RRAGD: variants seen among roughly 807,000 people sequenced by gnomAD.
RRAGD encodes ras-related GTP-binding protein D.
A neutral mutation model predicts 35.5 loss-of-function variants in RRAGD; 12 were observed. The observed-to-expected ratio is 0.34, with a 90% CI of 0.22 to 0.55. The LOEUF is 0.55. RRAGD is among the 20% of genes least tolerant of loss of function. The probability of loss-of-function intolerance (pLI) is 0.91; values close to 1 mark genes in which losing one functional copy is unlikely to be tolerated. For missense variants in RRAGD, 324 were observed against 490.1 expected (o/e 0.66, Z 3.20); for synonymous variants, 155 against 178.9 (o/e 0.87, Z 1.07).
Position 89,411,621 on chromosome 6 carries a change from C to G in RRAGD, c.148+225G>C, listed in dbSNP as rs2127901031. ...CCCAGACGCTTACTCCCTCCTTCCC[C>G]TTTTCCACCGATCCTGGTTGCCCCT... On this transcript the variant is annotated intron_variant, in intron 1 of 6. Coordinates refer to ENST00000369415, the MANE Select transcript of RRAGD (RefSeq NM_021244.5). This position sits in a 1 kb window ranked among gnomAD's most constrained non-coding sequence, Gnocchi z 5.6. 3 of 569,440 alleles carry G rather than the reference C, an allele frequency of 5.3e-6. No individual in the cohort carries two copies. In the South Asian group the frequency reaches 6.2e-5, roughly 12 times the overall value. The allele number at this position is 569,440 out of a possible 1,614,324, so 35.3% of individuals were successfully genotyped here.
At chr6:89,396,093 A>C (rs920199958) in intron 1 of RRAGD, among the ~76,000 whole-genome samples, 1 of 152,196 alleles carries the variant, frequency 6.6e-6, no homozygotes, top group Non-Finnish European at 1.5e-5. Flanking sequence ...AATTTCTTAG[A>C]TATGACACCC....
intron 2 of RRAGD, among the ~76,000 whole-genome samples, chr6:89,386,200 T>C (rs1343156925): frequency 3.3e-5 from 5 of 152,304 alleles, no homozygotes; most frequent in East Asian, 1.9e-4. Context: ...GGCTGGGCCA[T>C]ATGTCATGGG....
intron 3 of RRAGD, among the ~76,000 whole-genome samples, chr6:89,379,573 T>G (rs1208947808): frequency 6.6e-6 from 1 of 152,254 alleles, no homozygotes; most frequent in Non-Finnish European, 1.5e-5. Flanking sequence ...ATCTGCCAAC[T>G]GGCAAGCTTA....
At chr6:89,402,636 G>A (rs937998794) in intron 1 of RRAGD, among the ~76,000 whole-genome samples, 2 of 152,112 alleles carry the variant, frequency 1.3e-5, no homozygotes, top group Admixed American at 6.5e-5. Context: ...TAGCCACCAA[G>A]CAGCTGAACA....
At chr6:89,389,924 A>G (rs2127891869) in intron 1 of RRAGD, among the ~76,000 whole-genome samples, 1 of 152,324 alleles carries the variant, frequency 6.6e-6, no homozygotes, top group South Asian at 2.1e-4. Context: ...ACCTAAAACA[A>G]TTATTAAAAC....
In RRAGD at chr6:89,367,517, GGA is replaced by G. The variant is rs1292585002; in HGVS notation, c.*537_*538del. ...ATAGGGGACAGTTCTTATTGCTCCT[GGA>G]GCTTGTAGCTCCAATCTGTTCCAGC... On this transcript the variant is annotated 3_prime_UTR_variant, in exon 7 of 7. Transcript: ENST00000369415. 1.3e-5 allele frequency: 2 copies of G among 152,160 alleles called. No homozygotes were observed. The highest frequency in any genetic ancestry group is 2.4e-5 in the African/African-American group (1 of 41,418). 9.4% of individuals were successfully genotyped at this position (152,160 alleles called of 1,614,324 possible).
chr6:89,402,037 G>GTTTTTTTTT (rs1194197994), intron 1 of RRAGD, among the ~76,000 whole-genome samples: 6 of 52,314 alleles, frequency 1.1e-4, no homozygotes, highest in African/African-American at 5.9e-4. Flanking sequence ...AAATCCTAAG[G>GTTTTTTTTT]ATTTTTTTTT....
chr6:89,398,219 G>T (rs1008959992), intron 1 of RRAGD, among the ~76,000 whole-genome samples: 7 of 152,176 alleles, frequency 4.6e-5, no homozygotes, highest in Non-Finnish European at 7.3e-5. Context: ...AAGAAGTATG[G>T]GAAAACGTTT....
At chr6:89,397,769 C>T (rs548106894) in intron 1 of RRAGD, among the ~76,000 whole-genome samples, 6 of 152,334 alleles carry the variant, frequency 3.9e-5, no homozygotes, top group African/African-American at 1.4e-4. Context: ...GAAGCCATTA[C>T]TCCTTTTTCA....
intron 4 of RRAGD, 82 bp from the exon 5 acceptor site, chr6:89,377,895 C>A: frequency 3.0e-6 from 3 of 1,014,622 alleles, no homozygotes; most frequent in Middle Eastern, 2.6e-4. Context: ...GAATGCCATT[C>A]TTAATGTAAA....
At chr6:89,403,362 G>A (rs139557041) in intron 1 of RRAGD, among the ~76,000 whole-genome samples, 2,509 of 152,012 alleles carry the variant, frequency 0.017, 69 homozygotes, top group African/African-American at 0.057. Context: ...GGAGAATGGC[G>A]TGAACCCAGG....
At chr6:89,382,035 A>G (rs1769051881) in intron 2 of RRAGD, among the ~76,000 whole-genome samples, 1 of 151,528 alleles carries the variant, frequency 6.6e-6, no homozygotes, top group Non-Finnish European at 1.5e-5. Context: ...AAAAAAGGAA[A>G]GAGACCTGTA....
rs1388750894 is a variant in RRAGD at position 89,366,370 on chromosome 6, C to T, written c.*1686G>A. 1.3e-5 allele frequency: 2 copies of T among 151,956 alleles called. No individual in the cohort carries two copies. Among genetic ancestry groups the T allele is most frequent in the Non-Finnish European group, 2.9e-5 (2 of 68,060 alleles). The allele number at this position is 151,956 out of a possible 1,614,324, so 9.4% of individuals were successfully genotyped here. A position where few individuals can be genotyped will look rare whatever the true frequency, so the allele number is the denominator to read the frequency against. ...CAGTGAGATCCTGTCTCTACAAAAA[C>T]AAAATTTAAGAATTAGCCGGGCGTG... On this transcript the variant is annotated 3_prime_UTR_variant, in exon 7 of 7. Coordinates refer to ENST00000369415, the MANE Select transcript of RRAGD (RefSeq NM_021244.5).
chr6:89,395,522 T>C (rs1266576653), intron 1 of RRAGD, among the ~76,000 whole-genome samples: 7 of 152,250 alleles, frequency 4.6e-5, no homozygotes, highest in Admixed American at 4.6e-4. Flanking sequence ...TATGTTTAAT[T>C]CCAAAGATGC....
At chr6:89,404,819 G>A (rs1769545871) in intron 1 of RRAGD, among the ~76,000 whole-genome samples, 1 of 152,122 alleles carries the variant, frequency 6.6e-6, no homozygotes, top group African/African-American at 2.4e-5. Context: ...TTACAACAAA[G>A]AAGAAACCAG....
In RRAGD at chr6:89,390,577, T is replaced by C. The variant is rs186096648; in HGVS notation, c.149-2987A>G. ...ATGCCACTGGTGGGAATACAAAATG[T>C]TGCACTTTGAAAAACAGTTTGGCAG... On this transcript the variant is annotated intron_variant, in intron 1 of 6. Coordinates refer to ENST00000369415, the MANE Select transcript of RRAGD (RefSeq NM_021244.5). Among the ~76,000 whole-genome samples, 66 of 152,298 alleles carry C rather than the reference T, an allele frequency of 4.3e-4. 1 individual carries two copies. The East Asian group carries it at 0.011, about 25-fold the overall frequency.
At chr6:89,392,280 T>A (rs922111715) in intron 1 of RRAGD, among the ~76,000 whole-genome samples, 1 of 151,902 alleles carries the variant, frequency 6.6e-6, no homozygotes, top group African/African-American at 2.4e-5. Context: ...TTGAGACCAG[T>A]CTGGGCAGCA....
intron 6 of RRAGD, among the ~76,000 whole-genome samples, chr6:89,368,607 C>A (rs1204440007): frequency 1.3e-5 from 2 of 152,110 alleles, no homozygotes; most frequent in Admixed American, 6.5e-5. Context: ...AGAGGCAGAT[C>A]CTGACTTGGG....
intron 6 of RRAGD, among the ~76,000 whole-genome samples, chr6:89,372,216 C>T (rs913170715): frequency 6.6e-6 from 1 of 152,206 alleles, no homozygotes; most frequent in African/African-American, 2.4e-5. Flanking sequence ...TCGCTGCAAT[C>T]GCAGATGCAC....
Sources: allele counts gnomAD v4.1 joint callset (sites outside exome capture counted in the v4.1 genomes callset), GRCh38; gene constraint gnomAD v4.1.1; non-coding constraint Gnocchi (gnomAD v3.1); transcripts MANE v1.5; gene names NCBI Gene and HGNC (gene_info 2026-07-23, HGNC 2026-07-21).